Variants in SYNPO2 observed in about 807,000 individuals in gnomAD.
The protein encoded by SYNPO2 is synaptopodin 2, also known as synaptopodin-2.
A neutral mutation model predicts 85.0 loss-of-function variants in SYNPO2; 56 were observed. The ratio of observed to expected loss-of-function variants is 0.66; its 90% confidence interval spans 0.53 to 0.82. SYNPO2 has a LOEUF of 0.82. SYNPO2 is among the 40% of genes least tolerant of loss of function. SYNPO2 has a pLI of 0.00. For synonymous variants in SYNPO2, 602 were observed against 591.1 expected (o/e 1.02, Z -0.27); for missense variants, 1,575 against 1,534.2 (o/e 1.03, Z -0.44).
At chr4:118,997,081 A>C (rs1190558441) in intron 1 of SYNPO2, among the ~76,000 whole-genome samples, 10 of 151,058 alleles carry the variant, frequency 6.6e-5, no homozygotes, top group Admixed American at 2.0e-4. Context: ...TGTACTAAAA[A>C]TACAAAAAAT....
intron 1 of SYNPO2, among the ~76,000 whole-genome samples, chr4:118,897,038 A>G (rs533321741): frequency 1.3e-5 from 2 of 152,264 alleles, no homozygotes; most frequent in South Asian, 2.1e-4. Context: ...TCACACTGCT[A>G]CAAAGAACTG....
At chr4:118,905,601 A>G (rs1239410060) in intron 1 of SYNPO2, among the ~76,000 whole-genome samples, 1 of 152,232 alleles carries the variant, frequency 6.6e-6, no homozygotes, top group African/African-American at 2.4e-5. Context: ...GCGTTTCAAC[A>G]GTCCAGCACA....
intron 1 of SYNPO2, among the ~76,000 whole-genome samples, chr4:118,894,549 A>G (rs1732486682): frequency 1.4e-5 from 2 of 146,540 alleles, no homozygotes; most frequent in Non-Finnish European, 3.0e-5. Flanking sequence ...TGTTGGGGGA[A>G]CGTCGGGGGA....
Position 119,029,417 on chromosome 4 carries a change from T to C in SYNPO2, c.1070-428T>C, listed in dbSNP as rs927727885. On this transcript the variant is annotated intron_variant, in intron 3 of 4. Transcript: ENST00000307142. ...CCCTTTTTAAGATTCCTGGAAACAG[T>C]TTTATATTGACACTTTATTTTAAAA... Among the ~76,000 whole-genome samples, 7 of 152,252 alleles carry C rather than the reference T, an allele frequency of 4.6e-5. 1 individual carries two copies. Among genetic ancestry groups the C allele is most frequent in the Middle Eastern group, 3.4e-3 (1 of 294 alleles).
In SYNPO2 at chr4:118,960,427, T is replaced by C. The variant is rs544038288; in HGVS notation, c.106-63003T>C. 3.9e-5 allele frequency among the ~76,000 whole-genome samples: 6 copies of C among 152,332 alleles called. No homozygotes were observed. In the East Asian group the frequency reaches 1.2e-3, roughly 29 times the overall value. The stretch of plus-strand genomic sequence containing the variant: ...AAGAATATGGAGAAACTAGCTCATA[T>C]TGCTGGTGAGAATGTAAAATGGTAA... On this transcript the variant is annotated intron_variant, in intron 1 of 4. Transcript: ENST00000307142.
chr4:118,917,427 CAAAGAAACAAACAACAAA>C, intron 1 of SYNPO2, among the ~76,000 whole-genome samples: 1 of 152,010 alleles, frequency 6.6e-6, no homozygotes, highest in Middle Eastern at 3.4e-3. Context: ...ACAAAAAAAA[CAAAGAAACAAACAACAAA>C]AAAGAAACAA....
chr4:118,994,048 G>C (rs1384622111), intron 1 of SYNPO2, among the ~76,000 whole-genome samples: 1 of 152,126 alleles, frequency 6.6e-6, no homozygotes, highest in Non-Finnish European at 1.5e-5. Flanking sequence ...TTCTTCTAGG[G>C]GGCCTCTGGG....
intron 1 of SYNPO2, among the ~76,000 whole-genome samples, chr4:118,906,742 C>CT (rs915731559): frequency 1.3e-5 from 2 of 152,052 alleles, no homozygotes; most frequent in African/African-American, 2.4e-5. Context: ...CTTACTAGAT[C>CT]TTTTTTTATG....
intron 1 of SYNPO2, among the ~76,000 whole-genome samples, chr4:118,941,037 C>G (rs1446037555): frequency 1.3e-5 from 2 of 152,162 alleles, no homozygotes; most frequent in African/African-American, 4.8e-5. Flanking sequence ...TAGAGCATCT[C>G]TCTTCCCTGC....
intron 1 of SYNPO2, among the ~76,000 whole-genome samples, chr4:118,974,015 TA>T (rs1451462118): frequency 6.6e-6 from 1 of 152,256 alleles, no homozygotes; most frequent in African/African-American, 2.4e-5. Flanking sequence ...GACGCTGACT[TA>T]AATCATCAAC....
upstream of SYNPO2, among the ~76,000 whole-genome samples, chr4:118,884,130 C>T (rs2149111144): frequency 6.6e-6 from 1 of 152,280 alleles, no homozygotes; most frequent in Middle Eastern, 3.4e-3. Flanking sequence ...GTTAGCAAAT[C>T]TGCTCTTTGT....
chr4:118,980,709 T>G (rs1735973049), intron 1 of SYNPO2, among the ~76,000 whole-genome samples: 1 of 152,162 alleles, frequency 6.6e-6, no homozygotes, highest in South Asian at 2.1e-4. Flanking sequence ...AAGAAGCACA[T>G]ATATAGAATC....
At chr4:118,944,677 A>G (rs1734437417) in intron 1 of SYNPO2, among the ~76,000 whole-genome samples, 1 of 152,182 alleles carries the variant, frequency 6.6e-6, no homozygotes, top group African/African-American at 2.4e-5. Context: ...TTAATCCATC[A>G]TGCTTAGAAT....
chr4:118,859,390 T>C (rs949739092), intron 1 of SYNPO2, among the ~76,000 whole-genome samples: 1 of 152,210 alleles, frequency 6.6e-6, no homozygotes, highest in African/African-American at 2.4e-5. Context: ...ATCTCTCACC[T>C]CAAGCATTTA....
At chr4:118,927,573 A>G (rs1240079821) in intron 1 of SYNPO2, among the ~76,000 whole-genome samples, 1 of 152,112 alleles carries the variant, frequency 6.6e-6, no homozygotes, top group Non-Finnish European at 1.5e-5. Context: ...AATTTCATGT[A>G]AGAAAGAGAG....
chr4:118,952,568 C>T (rs1446589379), intron 1 of SYNPO2, among the ~76,000 whole-genome samples: 2 of 152,044 alleles, frequency 1.3e-5, no homozygotes, highest in Non-Finnish European at 2.9e-5. Flanking sequence ...ATACAATTCT[C>T]AAATTTCATT....
intron 1 of SYNPO2, among the ~76,000 whole-genome samples, chr4:118,969,965 C>A (rs183762752): frequency 6.6e-6 from 1 of 152,208 alleles, no homozygotes; most frequent in Non-Finnish European, 1.5e-5. Flanking sequence ...AAATATTGAG[C>A]ACTTTCATTG....
chr4:119,036,764 T>C, intron 4 of SYNPO2: 3 of 994,214 alleles, frequency 3.0e-6, no homozygotes, highest in Non-Finnish European at 3.6e-6. Context: ...TATGTTTCTG[T>C]GGTATGTATA....
rs143718838 is a variant in SYNPO2, at chr4:119,025,171, A to T, written c.258-1456A>T. Among the ~76,000 whole-genome samples, 235 of 152,326 alleles carry T rather than the reference A, an allele frequency of 1.5e-3. 1 individual carries two copies. The highest frequency in any genetic ancestry group is 5.5e-3 in the African/African-American group (229 of 41,580). ...TCTGGCCATTTGTCTGTATTGGTCT[A>T]CAAGGCTGGCATGAATTGAAACTAT... is the stretch of plus-strand genomic sequence containing the variant. On this transcript the variant is annotated intron_variant, in intron 2 of 4. Coordinates refer to ENST00000307142, the MANE Select transcript of SYNPO2 (RefSeq NM_133477.3).
Sources: gnomAD v4.1 joint callset for allele counts (sites outside exome capture counted in the v4.1 genomes callset) on GRCh38, gnomAD v4.1.1 for gene constraint, MANE v1.5 for transcripts, NCBI Gene and HGNC (gene_info 2026-07-23, HGNC 2026-07-21) for gene names.